LRBA: variants seen among roughly 807,000 people sequenced by gnomAD.
LRBA encodes the protein LPS responsive beige-like anchor protein.
A neutral mutation model predicts 330.0 loss-of-function variants in LRBA; 176 were observed. The ratio of observed to expected loss-of-function variants is 0.53; its 90% CI spans 0.47 to 0.60. LRBA has a LOEUF of 0.60. LRBA is among the 20% of genes least tolerant of loss of function. The probability of loss-of-function intolerance (pLI) is 0.00; values close to 1 mark genes in which losing one functional copy is unlikely to be tolerated. For missense variants in LRBA, 3,259 were observed against 3,444.8 expected (o/e 0.95, Z 1.35); for synonymous variants, 1,230 against 1,193.0 (o/e 1.03, Z -0.64).
At chr4:150,531,949 A>G (rs1320532940) in intron 40 of LRBA, among the ~76,000 whole-genome samples, 1 of 152,222 alleles carries the variant, frequency 6.6e-6, no homozygotes, top group Non-Finnish European at 1.5e-5. Flanking sequence ...TGAAAACTTC[A>G]CACACATTTG....
At chr4:150,736,760 G>C (rs1731235009) in intron 35 of LRBA, among the ~76,000 whole-genome samples, 1 of 152,162 alleles carries the variant, frequency 6.6e-6, no homozygotes, top group Non-Finnish European at 1.5e-5. Flanking sequence ...CAAAACCCAA[G>C]CAGGGTTTTT....
intron 37 of LRBA, among the ~76,000 whole-genome samples, chr4:150,652,238 C>T (rs539871502): frequency 3.9e-4 from 59 of 152,294 alleles, no homozygotes; most frequent in Non-Finnish European, 8.1e-4. Flanking sequence ...CTCTCCCTCT[C>T]CTCTTCCCCT....
intron 35 of LRBA, among the ~76,000 whole-genome samples, chr4:150,745,986 T>C (rs1026722139): frequency 6.6e-6 from 1 of 152,228 alleles, no homozygotes; most frequent in Non-Finnish European, 1.5e-5. Context: ...TGCAACACTT[T>C]AATAATGAAG....
intron 31 of LRBA, among the ~76,000 whole-genome samples, chr4:150,815,403 AT>A (rs988998190): frequency 6.6e-6 from 1 of 151,714 alleles, no homozygotes; most frequent in Admixed American, 6.6e-5. Context: ...AAGATGAAAA[AT>A]TTGCTAGAGT....
chr4:150,499,619 G>C (rs1346511399), intron 40 of LRBA, among the ~76,000 whole-genome samples: 1 of 151,960 alleles, frequency 6.6e-6, no homozygotes, highest in Non-Finnish European at 1.5e-5. Context: ...CTTCAGGTTG[G>C]GCAACAGAGA....
chr4:150,771,860 G>T (rs748720722), intron 34 of LRBA, among the ~76,000 whole-genome samples: 1 of 152,136 alleles, frequency 6.6e-6, no homozygotes. Context: ...GAAAGAGGCT[G>T]ACTAGTATCC....
intron 34 of LRBA, among the ~76,000 whole-genome samples, chr4:150,768,063 C>CAA (rs777328686): frequency 0.051 from 2,937 of 57,544 alleles, 97 homozygotes; most frequent in Middle Eastern, 0.066. Flanking sequence ...GACTCTGTCT[C>CAA]AAAAAAAAAA....
At chr4:150,434,978 A>G (rs13123461) in intron 46 of LRBA, among the ~76,000 whole-genome samples, 91,937 of 152,072 alleles carry the variant, frequency 0.6, 31,206 homozygotes, top group Non-Finnish European at 0.75. Context: ...GGAAAATAAA[A>G]AAAACACTCT....
At chr4:150,552,474 A>G (rs1242993261) in intron 40 of LRBA, among the ~76,000 whole-genome samples, 3 of 152,100 alleles carry the variant, frequency 2.0e-5, no homozygotes, top group Non-Finnish European at 4.4e-5. Context: ...TTAGAATGGC[A>G]ATCATTAAAA....
At chr4:150,873,389 G>A (rs180929130) in intron 17 of LRBA, among the ~76,000 whole-genome samples, 29 of 152,158 alleles carry the variant, frequency 1.9e-4, no homozygotes, top group African/African-American at 6.7e-4. Context: ...TCAGGAGTTC[G>A]AGACCAGCCT....
At chr4:150,753,992 G>C (rs1295636040) in intron 35 of LRBA, among the ~76,000 whole-genome samples, 1 of 151,794 alleles carries the variant, frequency 6.6e-6, no homozygotes, top group Non-Finnish European at 1.5e-5. Context: ...ACCTGAGCCA[G>C]GGAGATCAAG....
intron 36 of LRBA, among the ~76,000 whole-genome samples, chr4:150,695,677 T>G (rs990345510): frequency 5.3e-5 from 8 of 152,190 alleles, no homozygotes; most frequent in Non-Finnish European, 1.0e-4. Context: ...TCCAGAGGGA[T>G]GACTGTGTAT....
At chr4:150,401,221 G>A (rs13131757) in intron 47 of LRBA, among the ~76,000 whole-genome samples, 4,779 of 152,306 alleles carry the variant, frequency 0.031, 89 homozygotes, top group Non-Finnish European at 0.049. Context: ...GAATGGCCCT[G>A]CTGACTCCAT....
chr4:150,571,401 T>A (rs1294383216), intron 40 of LRBA, among the ~76,000 whole-genome samples: 1 of 151,974 alleles, frequency 6.6e-6, no homozygotes, highest in Non-Finnish European at 1.5e-5. Context: ...GCTTTAAGAA[T>A]CCATAAGCCT....
chr4:150,730,069 C>T (rs1333530703), intron 36 of LRBA, among the ~76,000 whole-genome samples: 1 of 152,098 alleles, frequency 6.6e-6, no homozygotes, highest in Non-Finnish European at 1.5e-5. Context: ...GGAAACTCTC[C>T]AGGACATTGG....
intron 51 of LRBA, among the ~76,000 whole-genome samples, chr4:150,314,364 T>C (rs1398574068): frequency 1.3e-5 from 2 of 152,136 alleles, no homozygotes; most frequent in African/African-American, 4.8e-5. Context: ...TTCATGTAGA[T>C]AATTACGTAT....
chr4:150,871,018 T>C (rs886451157), intron 19 of LRBA, among the ~76,000 whole-genome samples: 7 of 151,992 alleles, frequency 4.6e-5, no homozygotes, highest in African/African-American at 1.2e-4. Context: ...CTGAAGTGGG[T>C]AGATCGCCTG....
chr4:150,642,591 G>A (rs1293611862), intron 37 of LRBA, among the ~76,000 whole-genome samples: 1 of 151,828 alleles, frequency 6.6e-6, no homozygotes, highest in African/African-American at 2.4e-5. Flanking sequence ...AGGGTTATGT[G>A]AAACATGGCA....
At chr4:150,334,688 G>C (rs112489479) in intron 48 of LRBA, among the ~76,000 whole-genome samples, 1,904 of 151,364 alleles carry the variant, frequency 0.013, 38 homozygotes, top group Non-Finnish European at 0.015. Flanking sequence ...TATACCAATT[G>C]ATATCTTACA....
Sources: allele counts gnomAD v4.1 joint callset (sites outside exome capture counted in the v4.1 genomes callset), GRCh38; gene constraint gnomAD v4.1.1; transcripts MANE v1.5; gene names NCBI Gene and HGNC (gene_info 2026-07-23, HGNC 2026-07-21).